GPBP1L1: variants seen among roughly 807,000 people sequenced by gnomAD.
GPBP1L1 encodes vasculin-like protein 1.
In GPBP1L1, 23 loss-of-function variants were observed where a neutral mutation model predicts 52.5. The observed-to-expected ratio is 0.44, with a 90% CI of 0.32 to 0.62. The LOEUF (loss-of-function observed/expected upper bound fraction) is 0.62. Among genes scored for constraint, GPBP1L1 ranks in the 20% least tolerant of loss-of-function variants. The pLI, the probability that GPBP1L1 is intolerant of heterozygous loss-of-function variation, is 0.06. For synonymous variants in GPBP1L1, 243 were observed against 203.1 expected, an observed-to-expected ratio of 1.20 and a Z score of -1.67; for missense variants, 596 against 579.3, an observed-to-expected ratio of 1.03 and a Z score of -0.30.
chr1:45,645,442 A>T (rs1012628208), intron 6 of GPBP1L1, among the ~76,000 whole-genome samples: 6 of 152,240 alleles, frequency 3.9e-5, no homozygotes, highest in Admixed American at 6.5e-5. Flanking sequence ...ATAGAATATC[A>T]TATTTAATTG....
chr1:45,683,849 G>C (rs1020564174), intron 2 of GPBP1L1, among the ~76,000 whole-genome samples: 2 of 151,960 alleles, frequency 1.3e-5, no homozygotes, highest in African/African-American at 2.4e-5. Flanking sequence ...TTAAGCCTGA[G>C]AGGTGGAGGC....
At position 45,655,218 on chromosome 1, in the gene GPBP1L1, A is replaced by T. The variant is rs146948905; in HGVS notation, c.162T>A (p.Phe54Leu). The T allele has an allele frequency of 3.5e-4, 564 of 1,614,056 alleles. No individual in the cohort carries two copies. The highest frequency in any genetic ancestry group is 4.4e-4 in the Non-Finnish European group (525 of 1,179,924). Residue 54 changes from phenylalanine (F) to leucine (L), a missense_variant, in exon 5 of 13, where the codon TTT becomes TTA. Physicochemically the swap from Phe to Leu is conservative, Grantham distance 22 (BLOSUM62 0). Coordinates refer to ENST00000355105, the MANE Select transcript of GPBP1L1 (RefSeq NM_021639.5). ...RRRHNSSDGF[F>L]NNGPLRTAGD... ...CTGCAGTTCGTAGGGGACCATTGTT[A>T]AAAAAACCATCAGAGGAATTATGTC... is the stretch of plus-strand genomic sequence containing the variant.
intron 6 of GPBP1L1, among the ~76,000 whole-genome samples, chr1:45,649,016 G>A (rs1012582973): frequency 2.6e-5 from 4 of 152,194 alleles, no homozygotes; most frequent in African/African-American, 4.8e-5. Flanking sequence ...AGACACAAGA[G>A]TGAATCTCTG....
intron 2 of GPBP1L1, among the ~76,000 whole-genome samples, chr1:45,667,172 T>TA (rs1321534334): frequency 1.4e-4 from 21 of 151,934 alleles, no homozygotes; most frequent in Admixed American, 3.9e-4. Context: ...CACACTTTTT[T>TA]AATTGCTTAT....
chr1:45,628,004 G>GT lies in GPBP1L1; in HGVS notation c.*251dup. 1 of 424,244 alleles carries GT rather than the reference G, an allele frequency of 2.4e-6. No homozygotes were observed. The highest frequency in any genetic ancestry group is 2.6e-5 in the South Asian group (1 of 37,784). 26.3% of individuals were successfully genotyped at this position (424,244 alleles called of 1,614,324 possible). A position where few individuals can be genotyped will look rare whatever the true frequency, so the allele number is the denominator to read the frequency against. On this transcript the variant is annotated 3_prime_UTR_variant, in exon 13 of 13. Coordinates refer to ENST00000355105, the MANE Select transcript of GPBP1L1 (RefSeq NM_021639.5). Reference sequence around the variant, plus strand: ...GCATCGCCCCATATATACTGGGTGTGTATGTGTGTGTGTGTGTGAGTGTGT... The same window carrying GT: ...GCATCGCCCCATATATACTGGGTGTGTTATGTGTGTGTGTGTGTGAGTGTGT...
chr1:45,641,014 C>CA (rs890733670), intron 7 of GPBP1L1, among the ~76,000 whole-genome samples: 8 of 151,114 alleles, frequency 5.3e-5, no homozygotes, highest in Non-Finnish European at 1.0e-4. Context: ...GACCCTAACT[C>CA]AAAAAAACAA....
At position 45,628,271 on chromosome 1, in the gene GPBP1L1, G is replaced by A. The variant is rs60972541; in HGVS notation, c.1410C>T (p.Asp470=). 538 of 1,613,870 alleles carry A rather than the reference G, an allele frequency of 3.3e-4. 7 individuals carry two copies. In the South Asian group the frequency reaches 5.3e-3, roughly 16 times the overall value. The stretch of plus-strand genomic sequence containing the variant: ...ATTTATATGCCTACTTCCAGGCATC[G>A]TCATCTGATGTTTCACTGCTACTGG... ...TETSSSETSD[D]DAWK is the part of the protein sequence containing the mutation. Residue 470 remains aspartate (D), a synonymous_variant, in exon 13 of 13, where the codon GAC becomes GAT. Coordinates refer to ENST00000355105, the MANE Select transcript of GPBP1L1 (RefSeq NM_021639.5).
chr1:45,681,937 T>C (rs1569897776), intron 2 of GPBP1L1, among the ~76,000 whole-genome samples: 1 of 152,218 alleles, frequency 6.6e-6, no homozygotes, highest in Non-Finnish European at 1.5e-5. Context: ...TCTCCATCTC[T>C]ATGTTACCGA....
chr1:45,686,184 G>A (rs1259366499), intron 1 of GPBP1L1, among the ~76,000 whole-genome samples: 1 of 152,240 alleles, frequency 6.6e-6, no homozygotes, highest in Non-Finnish European at 1.5e-5. Context: ...GAGCCCCGGC[G>A]ACGCTCGCGT....
intron 2 of GPBP1L1, among the ~76,000 whole-genome samples, chr1:45,667,175 T>C (rs762971663): frequency 1.1e-4 from 17 of 152,204 alleles, no homozygotes; most frequent in Non-Finnish European, 2.2e-4. Context: ...ACTTTTTTAA[T>C]TGCTTATGAT....
intron 2 of GPBP1L1, among the ~76,000 whole-genome samples, chr1:45,663,507 G>T (rs981203022): frequency 6.6e-6 from 1 of 152,144 alleles, no homozygotes; most frequent in Non-Finnish European, 1.5e-5. Flanking sequence ...ACTATTACGG[G>T]TCCTACTAAC....
At chr1:45,647,895 G>C (rs913780738) in intron 6 of GPBP1L1, among the ~76,000 whole-genome samples, 5 of 152,152 alleles carry the variant, frequency 3.3e-5, no homozygotes, top group Non-Finnish European at 7.4e-5. Flanking sequence ...TTAGCCCTAA[G>C]GGTAGTGGCT....
intron 8 of GPBP1L1, among the ~76,000 whole-genome samples, chr1:45,639,808 G>A (rs967456598): frequency 6.6e-6 from 1 of 152,064 alleles, no homozygotes; most frequent in Non-Finnish European, 1.5e-5. Context: ...AACCCAGGAG[G>A]TGGAGCTTGC....
intron 9 of GPBP1L1, 95 bp from the exon 10 acceptor site, chr1:45,633,742 TATTTATC>T: frequency 2.4e-6 from 3 of 1,246,872 alleles, no homozygotes; most frequent in Non-Finnish European, 3.4e-6. Flanking sequence ...TCTGGTAGCC[TATTTATC>T]ACTCTGTCTT....
intron 6 of GPBP1L1, among the ~76,000 whole-genome samples, chr1:45,647,001 A>G (rs1445232980): frequency 1.3e-5 from 2 of 151,620 alleles, no homozygotes; most frequent in African/African-American, 4.8e-5. Flanking sequence ...TTTCTCCTTC[A>G]TTTAAAAAAT....
chr1:45,685,407 A>G (rs988958957), intron 2 of GPBP1L1, among the ~76,000 whole-genome samples, 169 bp downstream of exon 2: 5 of 152,258 alleles, frequency 3.3e-5, no homozygotes, highest in African/African-American at 1.2e-4. Context: ...TGTCAATGTT[A>G]AAAATATTTC....
At chr1:45,657,964 T>C (rs924315137) in intron 4 of GPBP1L1, among the ~76,000 whole-genome samples, 1 of 152,132 alleles carries the variant, frequency 6.6e-6, no homozygotes, top group Non-Finnish European at 1.5e-5. Context: ...ATAGGAAAGG[T>C]AGGCCTTTAT....
intron 10 of GPBP1L1, among the ~76,000 whole-genome samples, chr1:45,633,201 TGC>T (rs1196315997): frequency 7.2e-5 from 11 of 152,330 alleles, no homozygotes; most frequent in African/African-American, 2.6e-4. Flanking sequence ...CACAAAAACC[TGC>T]ACATGGATGT....
chr1:45,651,403 G>C (rs1644817971), intron 6 of GPBP1L1: 1 of 392,270 alleles, frequency 2.5e-6, no homozygotes, highest in South Asian at 2.3e-5. Flanking sequence ...AGGTGGTGAA[G>C]TGCTGACTCC....
Sources: allele counts gnomAD v4.1 joint callset (sites outside exome capture counted in the v4.1 genomes callset), GRCh38; gene constraint gnomAD v4.1.1; transcripts MANE v1.5; gene names NCBI Gene and HGNC (gene_info 2026-07-23, HGNC 2026-07-21).